The following BICRA variants were observed in gnomAD, a reference collection of about 807,000 sequenced individuals.
BICRA encodes BRD4 interacting chromatin remodeling complex associated protein, also known as BRD4-interacting chromatin-remodeling complex-associated protein.
A neutral mutation model predicts 96.9 loss-of-function variants in BICRA; 31 were observed. The observed-to-expected ratio is 0.32, with a 90% CI of 0.24 to 0.43. The LOEUF is 0.43. BICRA is among the 20% of genes least tolerant of loss of function. The pLI is 1.00. For synonymous variants in BICRA, 1,350 were observed against 1,071.8 expected (o/e 1.26, Z -5.07); for missense variants, 2,283 against 2,190.3 (o/e 1.04, Z -0.84).
At chr19:47,664,265 AG>A (rs1972743929) in intron 1 of BICRA, among the ~76,000 whole-genome samples, 2 of 152,182 alleles carry the variant, frequency 1.3e-5, no homozygotes, top group Non-Finnish European at 2.9e-5. Flanking sequence ...GTATCCTGCT[AG>A]CAGCCTGGCT....
chr19:47,686,483 A>AAGCGATTCTCCTGCCTCAGCTTCC (rs1375974515), intron 7 of BICRA, among the ~76,000 whole-genome samples: 1 of 152,104 alleles, frequency 6.6e-6, no homozygotes, highest in Non-Finnish European at 1.5e-5. Flanking sequence ...TCCCAGGTTC[A>AAGCGATTCTCCTGCCTCAGCTTCC]AGCGATTCTC....
chr19:47,681,940 G>A, intron 6 of BICRA, 36 bp from the exon 7 acceptor site: 3 of 1,469,192 alleles, frequency 2.0e-6, no homozygotes, highest in Non-Finnish European at 2.8e-6. Context: ...GCCTGTGGGG[G>A]CGGCTTTCTG....
intron 1 of BICRA, among the ~76,000 whole-genome samples, chr19:47,635,067 C>T (rs550475900): frequency 1.3e-5 from 2 of 151,510 alleles, no homozygotes; most frequent in African/African-American, 4.9e-5. Context: ...TGGCCACATA[C>T]GTAAAGCTTT....
chr19:47,637,667 A>C (rs1972320235), intron 1 of BICRA, among the ~76,000 whole-genome samples: 1 of 152,174 alleles, frequency 6.6e-6, no homozygotes, highest in African/African-American at 2.4e-5. Flanking sequence ...CCCTAAAAGG[A>C]AACCTCATAC....
intron 4 of BICRA, among the ~76,000 whole-genome samples, chr19:47,674,829 A>G (rs146794621): frequency 2.4e-4 from 36 of 152,330 alleles, no homozygotes; most frequent in African/African-American, 8.4e-4. Context: ...AGGAACCCGC[A>G]GTGCCCTTAA....
intron 1 of BICRA, among the ~76,000 whole-genome samples, chr19:47,638,501 C>T (rs778867693): frequency 5.3e-5 from 8 of 152,196 alleles, no homozygotes; most frequent in Non-Finnish European, 1.0e-4. Context: ...TACCCACGTC[C>T]TCTTCCCAGA....
At chr19:47,670,124 T>G (rs770742870) in intron 1 of BICRA, among the ~76,000 whole-genome samples, 3 of 151,916 alleles carry the variant, frequency 2.0e-5, no homozygotes, top group African/African-American at 4.8e-5. Context: ...CAAAAAACTT[T>G]CTTTTTGTAG....
chr19:47,670,124 T>C (rs770742870), intron 1 of BICRA, among the ~76,000 whole-genome samples: 21 of 151,916 alleles, frequency 1.4e-4, no homozygotes, highest in Non-Finnish European at 2.4e-4. Context: ...CAAAAAACTT[T>C]CTTTTTGTAG....
chr19:47,668,819 C>G (rs913248231), intron 1 of BICRA, among the ~76,000 whole-genome samples: 3 of 151,652 alleles, frequency 2.0e-5, no homozygotes, highest in African/African-American at 7.3e-5. Flanking sequence ...GGTGATTTCT[C>G]TGTTTAAAAT....
At chr19:47,664,966 G>A (rs1422784100) in intron 1 of BICRA, among the ~76,000 whole-genome samples, 2 of 152,200 alleles carry the variant, frequency 1.3e-5, no homozygotes, top group Non-Finnish European at 2.9e-5. Context: ...ACCAGGGCTT[G>A]TCTCCAGGGT....
rs756506682 is a variant in BICRA, at chr19:47,694,420, C to T, written c.2589C>T (p.Arg863=). The change falls in exon 8 of 15, where the codon CGC becomes CGT. Residue 863 remains arginine (R), a synonymous_variant. Transcript: ENST00000594866. ...CAGGCCCGCCGCAGCCGCCTCTCCG[C>T]CCCCAGTCCCAGCCGCCTGAGGGAC... ...TAPGPPQPPL[R]PQSQPPEGPL... is the part of the protein sequence containing the mutation. 2.0e-5 allele frequency: 21 copies of T among 1,051,542 alleles called. No individual in the cohort carries two copies. Among genetic ancestry groups the T allele is most frequent in the South Asian group, 1.3e-4 (10 of 74,890 alleles). The allele number at this position is 1,051,542 out of a possible 1,614,324, so 65.1% of individuals were successfully genotyped here. A position where few individuals can be genotyped will look rare whatever the true frequency, so the allele number is the denominator to read the frequency against.
intron 3 of BICRA, 25 bp downstream of exon 3, chr19:47,673,640 T>G: frequency 1.9e-5 from 19 of 1,018,992 alleles, no homozygotes; most frequent in Non-Finnish European, 2.6e-5. Flanking sequence ...CCCCACCCCC[T>G]GCCCTCTGTC....
chr19:47,633,089 T>C (rs1568551695), intron 1 of BICRA, among the ~76,000 whole-genome samples: 1 of 144,758 alleles, frequency 6.9e-6, no homozygotes, highest in African/African-American at 2.6e-5. Flanking sequence ...TCTTTTTTTT[T>C]TTTTTTTTTT....
chr19:47,637,455 C>T (rs1020635471), intron 1 of BICRA, among the ~76,000 whole-genome samples: 4 of 152,156 alleles, frequency 2.6e-5, no homozygotes, highest in African/African-American at 9.7e-5. Flanking sequence ...TGCTCTGTTG[C>T]TCAGGCTGGA....
chr19:47,638,127 CTCTT>C (rs1372315053), intron 1 of BICRA, among the ~76,000 whole-genome samples: 1 of 152,160 alleles, frequency 6.6e-6, no homozygotes, highest in East Asian at 1.9e-4. Context: ...CCTCCTCCTG[CTCTT>C]TCTTTGTGTA....
At chr19:47,618,871 G>A (rs1182684521) in intron 1 of BICRA, among the ~76,000 whole-genome samples, 3 of 152,216 alleles carry the variant, frequency 2.0e-5, no homozygotes, top group Non-Finnish European at 4.4e-5. Flanking sequence ...GAAGCTCCCC[G>A]GAGCCACCTT....
chr19:47,633,610 ATAGAG>A (rs1230916842), intron 1 of BICRA, among the ~76,000 whole-genome samples: 2 of 152,166 alleles, frequency 1.3e-5, no homozygotes, highest in Non-Finnish European at 2.9e-5. Flanking sequence ...TCAGGAAATA[ATAGAG>A]TAGAGATGGG....
At chr19:47,673,538 C>T (rs1323798300) in intron 2 of BICRA, 32 bp from the exon 3 acceptor site, 1 of 1,595,490 alleles carries the variant, frequency 6.3e-7, no homozygotes, top group Non-Finnish European at 8.6e-7. Context: ...ACCTTGTCTC[C>T]CTCGCCCTCT....
chr19:47,689,756 A>G (rs1375196457), intron 7 of BICRA, among the ~76,000 whole-genome samples: 1 of 152,190 alleles, frequency 6.6e-6, no homozygotes, highest in East Asian at 1.9e-4. Context: ...CTTCGTGTAT[A>G]TACAACCTAG....
Sources: allele counts gnomAD v4.1 joint callset (sites outside exome capture counted in the v4.1 genomes callset), GRCh38; gene constraint gnomAD v4.1.1; transcripts MANE v1.5; gene names NCBI Gene and HGNC (gene_info 2026-07-23, HGNC 2026-07-21).